The following SIGLEC9 variants were observed in gnomAD, a reference collection of about 807,000 sequenced individuals.
SIGLEC9 encodes the protein sialic acid binding Ig like lectin 9.
In SIGLEC9, 26 loss-of-function variants were observed where a neutral mutation model predicts 38.3. The observed-to-expected ratio is 0.68, with a 90% confidence interval of 0.50 to 0.94. SIGLEC9 has a LOEUF of 0.94. Among genes scored for constraint, SIGLEC9 ranks in the 40% least tolerant of loss-of-function variants. The pLI is 0.00. For missense variants in SIGLEC9, 556 were observed against 585.7 expected, an observed-to-expected ratio of 0.95 and a Z score of 0.52; for synonymous variants, 236 against 248.0, an observed-to-expected ratio of 0.95 and a Z score of 0.45.
chr19:51,135,135 G>A (rs757549745), downstream of SIGLEC9, among the ~76,000 whole-genome samples: 11 of 152,152 alleles, frequency 7.2e-5, no homozygotes, highest in South Asian at 2.1e-4. Context: ...TTATGTAGAC[G>A]TGATTGTATA....
intron 6 of SIGLEC9, among the ~76,000 whole-genome samples, chr19:51,129,302 G>A (rs1280772589): frequency 6.6e-6 from 1 of 151,462 alleles, no homozygotes; most frequent in Admixed American, 6.6e-5. Flanking sequence ...GGGACTACAG[G>A]CGCCTGCCAC....
chr19:51,129,552 T>A (rs2092003393), intron 6 of SIGLEC9, among the ~76,000 whole-genome samples: 1 of 151,738 alleles, frequency 6.6e-6, no homozygotes, highest in South Asian at 2.1e-4. Context: ...TTTTCGTTTG[T>A]TTGTTTTTGT....
intron 6 of SIGLEC9, among the ~76,000 whole-genome samples, chr19:51,129,168 G>GTTTTTTTTTTTTTT (rs2091999122): frequency 3.1e-5 from 4 of 127,606 alleles, no homozygotes; most frequent in African/African-American, 1.8e-4. Context: ...TTTTGTTGTT[G>GTTTTTTTTTTTTTT]TTGTTTTTGA....
intron 4 of SIGLEC9, 105 bp downstream of exon 4, chr19:51,127,401 C>A: frequency 2.4e-6 from 3 of 1,225,050 alleles, no homozygotes; most frequent in South Asian, 1.5e-5. Context: ...CCGCTCTGGT[C>A]TGTGCTCAGC....
chr19:51,133,617 G>A (rs992782351), downstream of SIGLEC9, among the ~76,000 whole-genome samples: 3 of 151,878 alleles, frequency 2.0e-5, no homozygotes, highest in Non-Finnish European at 4.4e-5. Flanking sequence ...AAATGTTAGC[G>A]GAACAAGTGA....
intron 5 of SIGLEC9, 70 bp from the exon 6 acceptor site, chr19:51,128,344 G>A: frequency 1.3e-6 from 2 of 1,529,494 alleles, no homozygotes; most frequent in African/African-American, 2.8e-5. Context: ...GGAAACACAT[G>A]GGGGTACCTG....
At chr19:51,134,147 CTTTTTTTTTTTT>C (rs71185802), downstream of SIGLEC9, among the ~76,000 whole-genome samples, 7 of 66,522 alleles carry the variant, frequency 1.1e-4, no homozygotes, top group East Asian at 5.6e-4. Flanking sequence ...TCTTTCTTTT[CTTTTTTTTTTTT>C]TTTTTTTTTT....
chr19:51,128,227 C>A (rs992950225), intron 5 of SIGLEC9, among the ~76,000 whole-genome samples, 187 bp from the exon 6 acceptor site: 3 of 152,104 alleles, frequency 2.0e-5, no homozygotes, highest in African/African-American at 7.2e-5. Flanking sequence ...CTGTGGCAAA[C>A]CTTGGTACCC....
At position 51,125,718 on chromosome 19, in the gene SIGLEC9, A is replaced by G. The variant is rs1444587650; in HGVS notation, c.543A>G (p.Ile181Met). 1.4e-5 allele frequency: 22 copies of G among 1,613,888 alleles called. No individual in the cohort carries two copies. Among genetic ancestry groups the G allele is most frequent in the South Asian group, 1.1e-4 (10 of 91,088 alleles). Residue 181 changes from isoleucine to methionine, a missense_variant, in exon 2 of 7, where the codon ATA (isoleucine) becomes ATG (methionine). Coordinates refer to ENST00000250360, the MANE Select transcript of SIGLEC9 (RefSeq NM_014441.3). ...GGACACCCCCTATGATCTCCTGGAT[A>G]GGGACCTCCGTGTCCCCCCTGGACC... ...EQGTPPMISW[I>M]GTSVSPLDPS...
At position 51,128,051 on chromosome 19, in the gene SIGLEC9, CCCTAGAGAGGGAGG is replaced by C. The variant is rs2091990619; in HGVS notation, c.1106+13_1106+26del. 6.2e-7 allele frequency: 1 copy of C among 1,603,824 alleles called. No homozygotes were observed. Among genetic ancestry groups the C allele is most frequent in the South Asian group, 1.1e-5 (1 of 90,804 alleles). On this transcript the variant is annotated intron_variant, in intron 5 of 6. Transcript: ENST00000250360. ...GTCATCTTCGTTGTGTAAGCATGGA[CCCTAGAGAGGGAGG>C]GAGGGAGAGCCCTGGGGGAGGACAG... is the stretch of plus-strand genomic sequence containing the variant.
chr19:51,128,485 A>C lies in SIGLEC9; in HGVS notation c.1178A>C (p.Asn393Thr), dbSNP rs776750907. 2 of 1,614,018 alleles carry C rather than the reference A, an allele frequency of 1.2e-6. No individual in the cohort carries two copies. Among genetic ancestry groups the C allele is most frequent in the Non-Finnish European group, 1.7e-6 (2 of 1,179,950 alleles). Residue 393 changes from asparagine to threonine, a missense_variant, in exon 6 of 7, where the codon AAC (asparagine) becomes ACC (threonine). By Grantham distance (65) the Asn-to-Thr change is moderately conservative. Transcript: ENST00000250360. ...GVGDTGIEDA[N>T]AVRGSASQGP... The stretch of plus-strand genomic sequence containing the variant: ...GGAGATACGGGCATAGAGGATGCAA[A>C]CGCTGTCAGGGGTTCAGCCTCTCAG...
chr19:51,128,409 C>G lies in SIGLEC9; in HGVS notation c.1107-5C>G. On this transcript the variant is annotated splice_region_variant and splice_polypyrimidine_tract_variant and intron_variant, in intron 5 of 6. Transcript: ENST00000250360. Reference sequence around the variant, plus strand: ...ACTGAAAGGCTCTCTGGTCTCTTCACTCAGAGTGAGGTCCTGCAGGAAGAA... The same window carrying G: ...ACTGAAAGGCTCTCTGGTCTCTTCAGTCAGAGTGAGGTCCTGCAGGAAGAA... 6.2e-7 allele frequency: 1 copy of G among 1,613,930 alleles called. No individual in the cohort carries two copies. The highest frequency in any genetic ancestry group is 8.5e-7 in the Non-Finnish European group (1 of 1,179,844).
chr19:51,124,384 G>A (rs765578503), upstream of SIGLEC9, among the ~76,000 whole-genome samples: 2 of 152,110 alleles, frequency 1.3e-5, no homozygotes, highest in African/African-American at 2.4e-5. Flanking sequence ...AGCTCCTGCC[G>A]TGGACAGCTC....
intron 2 of SIGLEC9, 75 bp downstream of exon 2, chr19:51,125,950 G>C (rs762478676): frequency 8.2e-5 from 132 of 1,601,354 alleles, no homozygotes; most frequent in Middle Eastern, 1.7e-4. Context: ...CTGGGTCCCG[G>C]AATCTGGGCT....
At position 51,125,255 on chromosome 19, in the gene SIGLEC9, T is replaced by C. The variant is rs1394142378; in HGVS notation, c.281T>C (p.Leu94Pro). The C allele has an allele frequency of 1.9e-6, 3 of 1,613,984 alleles. No homozygotes were observed. Among genetic ancestry groups the C allele is most frequent in the Middle Eastern group, 3.3e-4 (2 of 6,062 alleles). Residue 94 changes from leucine (L) to proline (P), a missense_variant, in exon 1 of 7, where the codon CTT (leucine) becomes CCT (proline). Physicochemically the swap from Leu to Pro is moderately conservative, Grantham distance 98. Transcript: ENST00000250360. The stretch of plus-strand genomic sequence containing the variant: ...GAGACTCGGGACCGATTCCACCTCC[T>C]TGGGGACCCACATACCAAGAATTGC... Reference protein sequence around the residue: ...WEETRDRFHLLGDPHTKNCTL... With the variant: ...WEETRDRFHLPGDPHTKNCTL...
chr19:51,125,497 C>T (rs540146015), intron 1 of SIGLEC9, 100 bp from the exon 2 acceptor site: 21 of 1,554,030 alleles, frequency 1.4e-5, no homozygotes, highest in Non-Finnish European at 1.7e-5. Flanking sequence ...TAGGGTGAAG[C>T]GAGTTGGCTC....
At position 51,130,000 on chromosome 19, in the gene SIGLEC9, T is replaced by G; in HGVS notation, c.1313T>G (p.Phe438Cys). Residue 438 changes from phenylalanine (F) to cysteine (C), a missense_variant, in exon 7 of 7, where the codon TTC becomes TGC. Phe to Cys is a radical substitution (Grantham distance 205). Coordinates refer to ENST00000250360, the MANE Select transcript of SIGLEC9 (RefSeq NM_014441.3). ...GAGCTCCAGTATGCATCCCTCAGCT[T>G]CCAGATGGTGAAGCCTTGGGACTCG... ...EGELQYASLS[F>C]QMVKPWDSRG... The G allele has an allele frequency of 6.2e-7, 1 of 1,613,992 alleles. No homozygotes were observed. The highest frequency in any genetic ancestry group is 8.5e-7 in the Non-Finnish European group (1 of 1,179,978).
rs368744045 is a variant in SIGLEC9 at position 51,135,874 on chromosome 19, C to G, written c.1204-88C>G. The stretch of plus-strand genomic sequence containing the variant: ...AGCTTAATCTATTCTGATGTTAATA[C>G]TTCCGCTTGTATTATGAAATTTTTG... On this transcript the variant is annotated intron_variant, in intron 6 of 6. Transcript: ENST00000440804. 67 of 645,258 alleles carry G rather than the reference C, an allele frequency of 1.0e-4. 5 individuals carry two copies. Among genetic ancestry groups the G allele is most frequent in the South Asian group, 5.2e-4 (29 of 55,726 alleles). 40.0% of individuals were successfully genotyped at this position (645,258 alleles called of 1,614,324 possible). A position where few individuals can be genotyped will look rare whatever the true frequency, so the allele number is the denominator to read the frequency against.
chr19:51,132,391 G>C (rs1373059909), downstream of SIGLEC9, among the ~76,000 whole-genome samples: 1 of 152,114 alleles, frequency 6.6e-6, no homozygotes, highest in Admixed American at 6.5e-5. Context: ...AAAATACTGA[G>C]GCACCGTGTG....
Sources: gnomAD v4.1 joint callset for allele counts (sites outside exome capture counted in the v4.1 genomes callset) on GRCh38, gnomAD v4.1.1 for gene constraint, MANE v1.5 for transcripts, NCBI Gene and HGNC (gene_info 2026-07-23, HGNC 2026-07-21) for gene names.